The following PTBP3 variants were observed in gnomAD, a reference collection of about 807,000 sequenced individuals.
PTBP3 encodes the protein polypyrimidine tract binding protein 3, also known as polypyrimidine tract-binding protein 3.
PTBP3 carries 20 observed loss-of-function variants against 58.7 expected under a neutral mutation model. The observed-to-expected ratio is 0.34, with a 90% CI of 0.24 to 0.50. PTBP3 has a LOEUF of 0.50. Among genes scored for constraint, PTBP3 ranks in the 20% least tolerant of loss-of-function variants. PTBP3 has a pLI of 0.98. For missense variants in PTBP3, 509 were observed against 637.2 expected, an observed-to-expected ratio of 0.80 and a Z score of 2.17; for synonymous variants, 185 against 219.8, an observed-to-expected ratio of 0.84 and a Z score of 1.40.
intron 5 of PTBP3, among the ~76,000 whole-genome samples, chr9:112,254,642 A>C (rs1420657881): frequency 6.6e-6 from 1 of 152,178 alleles, no homozygotes; most frequent in African/African-American, 2.4e-5. Context: ...AATATCACTA[A>C]TCATTAGAAA....
chr9:112,226,562 G>C (rs1031050029), intron 12 of PTBP3, among the ~76,000 whole-genome samples: 3 of 152,018 alleles, frequency 2.0e-5, no homozygotes, highest in Admixed American at 6.6e-5. Flanking sequence ...TGCCATTTTT[G>C]TAGACTAAGG....
chr9:112,291,763 G>GACCT (rs1318085607), intron 2 of PTBP3, among the ~76,000 whole-genome samples: 1 of 152,030 alleles, frequency 6.6e-6, no homozygotes, highest in Non-Finnish European at 1.5e-5. Context: ...AACTATAAAA[G>GACCT]ACCTATAAGA....
upstream of PTBP3, chr9:112,333,719 A>G (rs1830489718): frequency 2.0e-5 from 5 of 255,282 alleles, no homozygotes; most frequent in Admixed American, 1.3e-4. Context: ...CCGCCCCCTC[A>G]CCGTCCCCGC....
At chr9:112,276,423 CTA>C (rs1418026641) in intron 2 of PTBP3, among the ~76,000 whole-genome samples, 2 of 152,014 alleles carry the variant, frequency 1.3e-5, no homozygotes, top group African/African-American at 4.8e-5. Flanking sequence ...TCAGGAAAGA[CTA>C]TGATAAAAAT....
intron 5 of PTBP3, among the ~76,000 whole-genome samples, chr9:112,257,665 C>T (rs1349487637): frequency 1.3e-5 from 2 of 152,024 alleles, no homozygotes; most frequent in Non-Finnish European, 1.5e-5. Context: ...CATGGCGAGG[C>T]GCAGTGGCTC....
chr9:112,238,766 G>A (rs2132015594), intron 7 of PTBP3, among the ~76,000 whole-genome samples: 1 of 152,036 alleles, frequency 6.6e-6, no homozygotes, highest in South Asian at 2.1e-4. Flanking sequence ...TCTTTAATAC[G>A]CTGAAAGAAA....
intron 3 of PTBP3, among the ~76,000 whole-genome samples, chr9:112,275,602 A>G (rs982167073): frequency 1.3e-5 from 2 of 152,202 alleles, no homozygotes; most frequent in Non-Finnish European, 2.9e-5. Context: ...ATTTAAAAAA[A>G]TATAAAATTT....
At chr9:112,249,187 G>C in intron 7 of PTBP3, among the ~76,000 whole-genome samples, 1 of 152,148 alleles carries the variant, frequency 6.6e-6, no homozygotes, top group East Asian at 1.9e-4. Context: ...ATTTGGGACT[G>C]TGGTTATCTT....
At chr9:112,319,728 T>A (rs904667944) in intron 1 of PTBP3, among the ~76,000 whole-genome samples, 7 of 152,242 alleles carry the variant, frequency 4.6e-5, no homozygotes, top group African/African-American at 1.7e-4. Flanking sequence ...TGCATTCCCA[T>A]GTTCATTGCA....
the PTBP3 span, among the ~76,000 whole-genome samples, chr9:112,367,122 T>A: frequency 6.6e-6 from 1 of 152,362 alleles, no homozygotes; most frequent in South Asian, 2.1e-4. Context: ...CTTTGCATTT[T>A]AACTTTTCTT....
chr9:112,294,015 C>T (rs369778275), intron 2 of PTBP3, among the ~76,000 whole-genome samples: 5 of 151,982 alleles, frequency 3.3e-5, no homozygotes, highest in African/African-American at 1.2e-4. Flanking sequence ...ATCAAAATAC[C>T]CCACGACCAA....
In PTBP3 at chr9:112,262,449, C is replaced by T; in HGVS notation, c.502G>A (p.Glu168Lys). 1 of 1,599,524 alleles carries T rather than the reference C, an allele frequency of 6.3e-7. No individual in the cohort carries two copies. Among genetic ancestry groups the T allele is most frequent in the African/African-American group, 1.3e-5 (1 of 74,138 alleles). ...TTCCTCCTTACCTGATGAAGAACTT[C>T]CAGGGTAACAGGGTAAAAGAGGTTT... The part of the protein sequence containing the change: ...IENLFYPVTL[E>K]VLHQIFSKFG... The change falls in exon 5 of 14, where the codon GAA (glutamate) becomes AAA (lysine). Residue 168 changes from glutamate to lysine, a missense_variant. Physicochemically the swap from Glu to Lys is moderately conservative, Grantham distance 56. This residue lies in a region of PTBP3 where 212 missense variants were observed against 215.3 expected (regional missense o/e 0.98). Coordinates refer to ENST00000374257, the MANE Select transcript of PTBP3 (RefSeq NM_001163788.4).
chr9:112,218,080 T>C (rs888456363), downstream of PTBP3: 1 of 152,164 alleles, frequency 6.6e-6, no homozygotes, highest in Non-Finnish European at 1.5e-5. Context: ...CCAACTGTAG[T>C]TTGGCACTGC....
At chr9:112,273,169 T>C (rs1294096567) in intron 3 of PTBP3, among the ~76,000 whole-genome samples, 5 of 152,086 alleles carry the variant, frequency 3.3e-5, no homozygotes, top group Non-Finnish European at 5.9e-5. Flanking sequence ...ACATCACAAA[T>C]CAACCCACAA....
rs1293876081 is a variant in PTBP3, at chr9:112,224,297, T to C, written c.1365-87A>G. 1.4e-5 allele frequency: 11 copies of C among 796,126 alleles called. No individual in the cohort carries two copies. In the African/African-American group the frequency reaches 1.4e-4, roughly 10 times the overall value. The allele number at this position is 796,126 out of a possible 1,614,324, so 49.3% of individuals were successfully genotyped here. ...TCTTGCAATCATCAAATCTCTAGAG[T>C]ACATTTCAAACAGAATTATTAAGCC... is the stretch of plus-strand genomic sequence containing the variant. On this transcript the variant is annotated intron_variant, in intron 12 of 13. Coordinates refer to ENST00000374257, the MANE Select transcript of PTBP3 (RefSeq NM_001163788.4).
intron 7 of PTBP3, among the ~76,000 whole-genome samples, chr9:112,238,348 T>G (rs970445340): frequency 6.6e-6 from 1 of 152,146 alleles, no homozygotes; most frequent in Non-Finnish European, 1.5e-5. Context: ...TAAACCAAGC[T>G]GAAGAGCGTC....
intron 5 of PTBP3, among the ~76,000 whole-genome samples, chr9:112,257,872 G>A (rs1349108207): frequency 2.0e-5 from 3 of 151,374 alleles, no homozygotes; most frequent in East Asian, 1.9e-4. Context: ...CCCGGGAGGC[G>A]GAGGTTGCAG....
At chr9:112,370,103 C>T in the PTBP3 span, among the ~76,000 whole-genome samples, 57 of 152,260 alleles carry the variant, frequency 3.7e-4, no homozygotes, top group Non-Finnish European at 7.8e-4. Flanking sequence ...ATGATCCAGT[C>T]TCAGGTGTTT....
At chr9:112,227,372 T>C in intron 12 of PTBP3, 39 bp downstream of exon 12, 1 of 1,585,928 alleles carries the variant, frequency 6.3e-7, no homozygotes, top group Non-Finnish European at 8.7e-7. Context: ...TTGTAGATTA[T>C]TCATCATCTA....
Sources: allele counts gnomAD v4.1 joint callset (sites outside exome capture counted in the v4.1 genomes callset), GRCh38; gene constraint gnomAD v4.1.1; regional missense constraint gnomAD v4.1.1; transcripts MANE v1.5; gene names NCBI Gene and HGNC (gene_info 2026-07-23, HGNC 2026-07-21).